Variants in ITGA9 observed in about 807,000 individuals in gnomAD.
The protein encoded by ITGA9 is integrin subunit alpha 9, also known as integrin alpha-9.
In ITGA9, 56 loss-of-function variants were observed where a neutral mutation model predicts 127.8. That is an observed-to-expected ratio of 0.44 (90% CI 0.35 to 0.55). The LOEUF (loss-of-function observed/expected upper bound fraction) is 0.55. Ranked by LOEUF, ITGA9 falls within the 20% of genes least tolerant of loss-of-function variation. The probability of loss-of-function intolerance (pLI) is 0.00; values close to 1 mark genes in which losing one functional copy is unlikely to be tolerated. For synonymous variants in ITGA9, 508 were observed against 514.5 expected (o/e 0.99, Z 0.17); for missense variants, 1,196 against 1,347.1 (o/e 0.89, Z 1.76).
At chr3:37,763,043 A>C (rs538988876) in intron 23 of ITGA9, among the ~76,000 whole-genome samples, 4 of 152,346 alleles carry the variant, frequency 2.6e-5, no homozygotes, top group South Asian at 2.1e-4. Flanking sequence ...TTTTATACAC[A>C]TGTTCATTCT....
chr3:37,616,261 G>A (rs1160375908), intron 15 of ITGA9, among the ~76,000 whole-genome samples: 1 of 152,196 alleles, frequency 6.6e-6, no homozygotes, highest in African/African-American at 2.4e-5. Flanking sequence ...CAGTTTCCAT[G>A]TAGTTGAGCG....
At chr3:37,683,767 A>G in intron 17 of ITGA9, 98 bp from the exon 18 acceptor site, 1 of 1,233,364 alleles carries the variant, frequency 8.1e-7, no homozygotes, top group Non-Finnish European at 1.2e-6. Context: ...TGTAGTTCTG[A>G]TCTCGGTTTC....
At chr3:37,615,306 G>A (rs1700063390) in intron 15 of ITGA9, among the ~76,000 whole-genome samples, 1 of 152,168 alleles carries the variant, frequency 6.6e-6, no homozygotes, top group South Asian at 2.1e-4. Flanking sequence ...TTGCATCCCA[G>A]GGATGAAGCC....
chr3:37,813,183 A>G (rs1697389355), intron 27 of ITGA9, among the ~76,000 whole-genome samples: 1 of 152,222 alleles, frequency 6.6e-6, no homozygotes, highest in African/African-American at 2.4e-5. Context: ...TTACAGATTT[A>G]GACCATGTAT....
chr3:37,470,964 C>A lies in ITGA9; in HGVS notation c.186-43C>A, dbSNP rs115589417. The A allele has an allele frequency of 4.9e-4, 788 of 1,612,524 alleles. 3 individuals are homozygous for A. In the African/African-American group the frequency reaches 9.0e-3, roughly 18 times the overall value. ...TACTTAGCCATCTGCCTCCTATTTT[C>A]TTATCGTAGGTTGTGACAGAATGCC... On this transcript the variant is annotated intron_variant, in intron 1 of 27. Transcript: ENST00000264741.
chr3:37,604,287 T>C (rs1699947338), intron 15 of ITGA9, among the ~76,000 whole-genome samples: 1 of 152,234 alleles, frequency 6.6e-6, no homozygotes, highest in Non-Finnish European at 1.5e-5. Flanking sequence ...TAAGTAGTCA[T>C]GAGTCGAATC....
intron 26 of ITGA9, chr3:37,789,860 G>T: frequency 9.4e-6 from 4 of 423,996 alleles, no homozygotes; most frequent in Non-Finnish European, 1.6e-5. Context: ...TGCCAAAAAT[G>T]AGAAAATAGT....
intron 18 of ITGA9, among the ~76,000 whole-genome samples, chr3:37,718,840 A>G (rs1701161119): frequency 6.6e-6 from 1 of 152,138 alleles, no homozygotes; most frequent in Non-Finnish European, 1.5e-5. Context: ...AAAGCTTTTC[A>G]TAGGATTGTC....
intron 15 of ITGA9, among the ~76,000 whole-genome samples, chr3:37,627,375 T>C (rs1700185818): frequency 6.6e-6 from 1 of 152,050 alleles, no homozygotes; most frequent in South Asian, 2.1e-4. Context: ...CATGGCCGTC[T>C]CCTCTCTGGG....
intron 4 of ITGA9, among the ~76,000 whole-genome samples, chr3:37,486,688 A>G (rs1446475580): frequency 6.6e-6 from 1 of 152,212 alleles, no homozygotes; most frequent in East Asian, 1.9e-4. Context: ...AATTTCTCAA[A>G]TACTGTTGAA....
At chr3:37,478,698 CAT>C (rs1698519558) in intron 3 of ITGA9, among the ~76,000 whole-genome samples, 1 of 152,146 alleles carries the variant, frequency 6.6e-6, no homozygotes, top group Admixed American at 6.5e-5. Context: ...GTCAGATTGA[CAT>C]GTGTGTATAT....
intron 1 of ITGA9, among the ~76,000 whole-genome samples, chr3:37,470,665 C>T (rs1336701667): frequency 1.3e-5 from 2 of 152,128 alleles, no homozygotes; most frequent in Non-Finnish European, 2.9e-5. Flanking sequence ...CGTGCGCTGC[C>T]TTGCCTGGCC....
At chr3:37,470,140 G>GTTTTTTTTTTTTTTT (rs71288094) in intron 1 of ITGA9, among the ~76,000 whole-genome samples, 4 of 133,100 alleles carry the variant, frequency 3.0e-5, no homozygotes, top group African/African-American at 5.6e-5. Flanking sequence ...GTTTCTTCTT[G>GTTTTTTTTTTTTTTT]TTTTTTTTTT....
rs184770402 is a variant in ITGA9, at chr3:37,665,852, T to A, written c.1916+12062T>A. ...ACATGTGGGTGTCTTCCGTGGGAGT[T>A]ACCTGGCGGAGGGTGGGATTTAGGC... On this transcript the variant is annotated intron_variant, in intron 17 of 27. Coordinates refer to ENST00000264741, the MANE Select transcript of ITGA9 (RefSeq NM_002207.3). Among the ~76,000 whole-genome samples, 14 of 152,196 alleles carry A rather than the reference T, an allele frequency of 9.2e-5. No individual in the cohort carries two copies. In the East Asian group the frequency reaches 2.7e-3, roughly 29 times the overall value.
chr3:37,532,946 A>C (rs267564), intron 13 of ITGA9, among the ~76,000 whole-genome samples: 83,914 of 151,992 alleles, frequency 0.55, 23,837 homozygotes, highest in East Asian at 0.81. Context: ...GGCATCTGCT[A>C]TAGGAAATCC....
At chr3:37,803,976 C>A in intron 27 of ITGA9, 34 bp downstream of exon 27, 2 of 1,613,756 alleles carry the variant, frequency 1.2e-6, no homozygotes, top group Non-Finnish European at 1.7e-6. Flanking sequence ...CCCTGGGGTC[C>A]CCACTCATAG....
intron 17 of ITGA9, among the ~76,000 whole-genome samples, chr3:37,670,097 T>C (rs1008467957): frequency 6.6e-6 from 1 of 150,532 alleles, no homozygotes; most frequent in African/African-American, 2.5e-5. Flanking sequence ...AAAAAAGAAA[T>C]ACAAATGTTA....
intron 14 of ITGA9, among the ~76,000 whole-genome samples, chr3:37,538,733 T>C (rs751919144): frequency 1.1e-4 from 16 of 152,214 alleles, no homozygotes; most frequent in Non-Finnish European, 2.1e-4. Flanking sequence ...GGCTTTGGAA[T>C]GAGTGGTCAG....
rs1462224561 is a variant in ITGA9, at chr3:37,452,225, C to T, written c.-150C>T. ...GCGCCCGCTCAGCCCGCCGTCCGCG[C>T]CCCGGTGGCGGGCCCGACGCCCGCA... On this transcript the variant is annotated 5_prime_UTR_variant, in exon 1 of 28. Coordinates refer to ENST00000264741, the MANE Select transcript of ITGA9 (RefSeq NM_002207.3). This position sits in a 1 kb window ranked among gnomAD's most constrained non-coding sequence, Gnocchi z 7.3. 1.3e-5 allele frequency: 3 copies of T among 237,934 alleles called. No individual in the cohort carries two copies. The highest frequency in any genetic ancestry group is 2.4e-5 in the African/African-American group (1 of 42,498). The allele number at this position is 237,934 out of a possible 1,614,324, so 14.7% of individuals were successfully genotyped here.
Sources: gnomAD v4.1 joint callset for allele counts (sites outside exome capture counted in the v4.1 genomes callset) on GRCh38, gnomAD v4.1.1 for gene constraint, Gnocchi (gnomAD v3.1) non-coding constraint, MANE v1.5 for transcripts, NCBI Gene and HGNC (gene_info 2026-07-23, HGNC 2026-07-21) for gene names.